The following URGCP variants were observed in gnomAD, a reference collection of about 807,000 sequenced individuals.
URGCP encodes up-regulator of cell proliferation.
A neutral mutation model predicts 24.6 loss-of-function variants in URGCP; 13 were observed. That is an observed-to-expected ratio of 0.53 (90% CI 0.34 to 0.84). URGCP has a LOEUF of 0.84. Ranked by LOEUF, URGCP falls within the 40% of genes least tolerant of loss-of-function variation. The pLI, the probability that URGCP is intolerant of heterozygous loss-of-function variation, is 0.01. For missense variants in URGCP, 899 were observed against 1,194.3 expected (o/e 0.75, Z 3.64); for synonymous variants, 444 against 487.2 (o/e 0.91, Z 1.17).
In URGCP at chr7:43,903,659, G is replaced by A. The variant is rs190955141; in HGVS notation, c.14+2903C>T. On this transcript the variant is annotated intron_variant, in intron 1 of 5. Transcript: ENST00000453200. ...AGTTGTAACATTGTTAAGGATAAGA[G>A]CCCCTTTGAAAATCTGTTGAAAGCT... 8.5e-5 allele frequency among the ~76,000 whole-genome samples: 13 copies of A among 152,158 alleles called. No homozygotes were observed. The East Asian group carries it at 2.3e-3, about 27-fold the overall frequency.
At chr7:43,901,075 T>G (rs1370782295) in intron 1 of URGCP, among the ~76,000 whole-genome samples, 2 of 152,228 alleles carry the variant, frequency 1.3e-5, no homozygotes, top group Non-Finnish European at 2.9e-5. Context: ...CTCTCTATAC[T>G]AGAAATAACA....
chr7:43,886,378 T>C (rs2095862133), intron 3 of URGCP, among the ~76,000 whole-genome samples: 1 of 152,236 alleles, frequency 6.6e-6, no homozygotes, highest in East Asian at 1.9e-4. Context: ...TAGAACACTT[T>C]TTTTTTTGGC....
chr7:43,883,775 C>G (rs1057351841), intron 3 of URGCP, among the ~76,000 whole-genome samples: 2 of 152,144 alleles, frequency 1.3e-5, no homozygotes, highest in African/African-American at 4.8e-5. Context: ...AAACCGTCTT[C>G]TTTGATGATA....
At chr7:43,898,648 C>G (rs1213651982) in intron 1 of URGCP, among the ~76,000 whole-genome samples, 2 of 151,978 alleles carry the variant, frequency 1.3e-5, no homozygotes, top group East Asian at 3.9e-4. Flanking sequence ...TGCCTTAAGT[C>G]CAGTTATTCA....
chr7:43,924,964 G>A lies in URGCP; in HGVS notation c.-116+1168C>T, dbSNP rs1031713330. 3.3e-5 allele frequency among the ~76,000 whole-genome samples: 5 copies of A among 152,048 alleles called. 1 individual carries two copies. The highest frequency in any genetic ancestry group is 7.4e-5 in the Non-Finnish European group (5 of 68,006). Reference sequence around the variant, plus strand: ...TGTAGAGACGGGGTTTCACCATGTTGCCCAGGATGGTCTAGAACTCCTGGA... The same window carrying A: ...TGTAGAGACGGGGTTTCACCATGTTACCCAGGATGGTCTAGAACTCCTGGA... On this transcript the variant is annotated intron_variant, in intron 1 of 5. Coordinates refer to the URGCP transcript ENST00000426198.
chr7:43,906,900 A>G, upstream of URGCP: 1 of 201,414 alleles, frequency 5.0e-6, no homozygotes, highest in Non-Finnish European at 1.0e-5. Context: ...GCCTTACTGA[A>G]CTTCACACCT....
Position 43,876,556 on chromosome 7 carries a change from G to T in URGCP, c.*111C>A. 8.2e-7 allele frequency: 1 copy of T among 1,217,872 alleles called. No homozygotes were observed. Among genetic ancestry groups the T allele is most frequent in the Non-Finnish European group, 1.2e-6 (1 of 866,300 alleles). The allele number at this position is 1,217,872 out of a possible 1,614,324, so 75.4% of individuals were successfully genotyped here. A position where few individuals can be genotyped will look rare whatever the true frequency, so the allele number is the denominator to read the frequency against. The stretch of plus-strand genomic sequence containing the variant: ...TGTCTTTTCCTCGTCTTCTCATGTC[G>T]ATTGGGCACCAGCCATTCTCAGGCA... On this transcript the variant is annotated 3_prime_UTR_variant, in exon 6 of 6. Transcript: ENST00000453200.
chr7:43,881,640 AG>A lies in URGCP; in HGVS notation c.202+18del, dbSNP rs1230710316. 2 of 1,613,992 alleles carry A rather than the reference AG, an allele frequency of 1.2e-6. No homozygotes were observed. Among genetic ancestry groups the A allele is most frequent in the African/African-American group, 2.7e-5 (2 of 74,892 alleles). ...CCCCCTTTCATAGAACAGAGAGAAA[AG>A]GCAGAGAAAATGCTTACCTGTTGGA... On this transcript the variant is annotated intron_variant, in intron 5 of 5. Transcript: ENST00000453200.
chr7:43,892,408 C>G (rs941260335), intron 1 of URGCP, among the ~76,000 whole-genome samples: 1 of 151,630 alleles, frequency 6.6e-6, no homozygotes, highest in Non-Finnish European at 1.5e-5. Flanking sequence ...CATGAGCCAC[C>G]GCGAACAGCC....
upstream of URGCP, among the ~76,000 whole-genome samples, chr7:43,907,773 C>T (rs184746906): frequency 1.7e-3 from 261 of 152,328 alleles, no homozygotes; most frequent in African/African-American, 5.9e-3. Context: ...ACATTTGTAA[C>T]TATTTTTAAA....
chr7:43,881,630 C>T (rs763589809), intron 5 of URGCP, 29 bp downstream of exon 5: 1 of 1,613,930 alleles, frequency 6.2e-7, no homozygotes, highest in Non-Finnish European at 8.5e-7. Flanking sequence ...TTTCATAGAA[C>T]AGAGAGAAAA....
chr7:43,900,861 G>A (rs10232321), intron 1 of URGCP, among the ~76,000 whole-genome samples: 11,469 of 152,174 alleles, frequency 0.075, 575 homozygotes, highest in African/African-American at 0.14. Context: ...TCTTACTCAC[G>A]TGGGCCATGT....
intron 1 of URGCP, chr7:43,919,894 G>A (rs11561791): frequency 0.37 from 483,098 of 1,303,742 alleles, 93,304 homozygotes; most frequent in South Asian, 0.57. Flanking sequence ...GACAAGCTGC[G>A]GAAGTGGGAG....
At chr7:43,913,684 G>GTTTTA (rs936586303) in intron 1 of URGCP, among the ~76,000 whole-genome samples, 1 of 151,760 alleles carries the variant, frequency 6.6e-6, no homozygotes, top group South Asian at 2.1e-4. Flanking sequence ...GCTTTCGAAA[G>GTTTTA]TTTTATTTTA....
At position 43,878,176 on chromosome 7, in the gene URGCP, C is replaced by T; in HGVS notation, c.1287G>A (p.Lys429=). ...CATTCCCAACGATGGCCCGGATCCT[C>T]TTCACGAAGCTGTCGCTGTCAGTGC... ...VSSTDSDSFV[K]RIRAIVGNVL... Residue 429 remains lysine (K), a synonymous_variant, in exon 6 of 6, where the codon AAG becomes AAA. Transcript: ENST00000453200. This position sits in a 1 kb window ranked among gnomAD's most constrained non-coding sequence, Gnocchi z 5.6. 6.2e-7 allele frequency: 1 copy of T among 1,614,272 alleles called. No individual in the cohort carries two copies. Among genetic ancestry groups the T allele is most frequent in the Non-Finnish European group, 8.5e-7 (1 of 1,180,052 alleles).
intron 1 of URGCP, chr7:43,919,787 G>A: frequency 2.3e-6 from 3 of 1,332,788 alleles, no homozygotes; most frequent in Non-Finnish European, 3.2e-6. Flanking sequence ...TGTCGAGGAA[G>A]TCTCCTTACC....
rs745872047 is a variant in URGCP at position 43,881,907 on chromosome 7, C to T, written c.163G>A (p.Asp55Asn). The part of the protein sequence containing the change: ...EGDDCEFRYG[D>N]GTNEAQDNDF... The stretch of plus-strand genomic sequence containing the variant: ...TGTTGCCAAATCCTGTAGTTTCTAC[C>T]TCCATAACGGAACTCGCAATCATCT... The change falls in exon 4 of 6, where the codon GAT becomes AAT. Residue 55 changes from aspartate (D) to asparagine (N), a missense_variant and splice_region_variant. Transcript: ENST00000453200. 1.2e-6 allele frequency: 2 copies of T among 1,614,050 alleles called. No individual in the cohort carries two copies. The highest frequency in any genetic ancestry group is 1.3e-5 in the African/African-American group (1 of 75,054).
intron 1 of URGCP, among the ~76,000 whole-genome samples, chr7:43,902,755 T>C (rs1409122277): frequency 1.3e-5 from 2 of 152,166 alleles, no homozygotes; most frequent in Non-Finnish European, 2.9e-5. Context: ...CCTTAAAATC[T>C]GGTGGTGGCA....
chr7:43,907,214 G>A (rs939957148), upstream of URGCP: 2 of 152,154 alleles, frequency 1.3e-5, no homozygotes, highest in African/African-American at 4.8e-5. Context: ...TCCTTAGGCA[G>A]GTAGATTTTT....
Sources: allele counts gnomAD v4.1 joint callset (sites outside exome capture counted in the v4.1 genomes callset), GRCh38; gene constraint gnomAD v4.1.1; non-coding constraint Gnocchi (gnomAD v3.1); transcripts MANE v1.5; gene names NCBI Gene and HGNC (gene_info 2026-07-23, HGNC 2026-07-21).